Variants in KDM2B observed in about 807,000 individuals in gnomAD.
KDM2B encodes lysine-specific demethylase 2B.
KDM2B carries 26 observed loss-of-function variants against 150.0 expected under a neutral mutation model. The observed-to-expected ratio is 0.17, with a 90% CI of 0.13 to 0.24. The LOEUF (loss-of-function observed/expected upper bound fraction) is 0.24, where lower values mean the gene tolerates loss of function less well. KDM2B is among the 10% of genes least tolerant of loss of function. KDM2B has a pLI of 1.00. For missense variants in KDM2B, 1,265 were observed against 1,816.9 expected (o/e 0.70, Z 5.52); for synonymous variants, 734 against 729.5 (o/e 1.01, Z -0.10).
At chr12:121,581,290 A>C (rs1443685318), upstream of KDM2B, 1 of 179,858 alleles carries the variant, frequency 5.6e-6, no homozygotes, top group Non-Finnish European at 1.2e-5. Context: ...AGTTTATAGA[A>C]GACAAGTCGG....
chr12:121,423,369 T>G, the KDM2B span: 1 of 1,587,130 alleles, frequency 6.3e-7, no homozygotes, highest in African/African-American at 1.3e-5. The surrounding 1 kb of genome is among the most constrained non-coding windows in gnomAD (Gnocchi z 4.3). Flanking sequence ...AGGCCTTAGC[T>G]CTCTGTTGCC....
chr12:121,446,950 T>C (rs964448271), intron 13 of KDM2B, among the ~76,000 whole-genome samples: 1 of 152,236 alleles, frequency 6.6e-6, no homozygotes, highest in Non-Finnish European at 1.5e-5. Flanking sequence ...TACAACATCA[T>C]GCCTGAGCAA....
intron 9 of KDM2B, among the ~76,000 whole-genome samples, chr12:121,517,461 C>A (rs555756530): frequency 6.8e-6 from 1 of 147,764 alleles, no homozygotes; most frequent in East Asian, 2.0e-4. Context: ...AAGGCAAATT[C>A]TTTTTCTTTT....
chr12:121,448,524 C>A (rs1469242585), intron 13 of KDM2B, among the ~76,000 whole-genome samples: 2 of 151,974 alleles, frequency 1.3e-5, no homozygotes, highest in Non-Finnish European at 2.9e-5. Flanking sequence ...ACTTGATGCA[C>A]CCGGCTGTGA....
At chr12:121,510,369 G>A (rs868940844) in intron 10 of KDM2B, among the ~76,000 whole-genome samples, 4 of 151,994 alleles carry the variant, frequency 2.6e-5, no homozygotes, top group Non-Finnish European at 5.9e-5. Context: ...TCCGCCTCCC[G>A]GGTTCAAGTG....
chr12:121,490,711 C>T (rs782737286), intron 12 of KDM2B, among the ~76,000 whole-genome samples: 3 of 152,282 alleles, frequency 2.0e-5, no homozygotes, highest in Middle Eastern at 3.4e-3. Flanking sequence ...CTACACCACT[C>T]GTGGAAACAG....
chr12:121,471,980 G>A (rs993573580), intron 12 of KDM2B, among the ~76,000 whole-genome samples: 4 of 152,054 alleles, frequency 2.6e-5, no homozygotes, highest in Non-Finnish European at 5.9e-5. Flanking sequence ...AAAATTAGCC[G>A]GGCATGGTGA....
chr12:121,465,508 A>G (rs1417970320), intron 12 of KDM2B, among the ~76,000 whole-genome samples: 1 of 152,214 alleles, frequency 6.6e-6, no homozygotes, highest in Non-Finnish European at 1.5e-5. Context: ...TGCTGGGATT[A>G]CAGGTGTGAG....
rs1877672680 is a variant in KDM2B at position 121,453,385 on chromosome 12, C to T, written c.1735-41G>A. 6.8e-7 allele frequency: 1 copy of T among 1,465,660 alleles called. No individual in the cohort carries two copies. The allele number at this position is 1,465,660 out of a possible 1,614,324, so 90.8% of individuals were successfully genotyped here. A position where few individuals can be genotyped will look rare whatever the true frequency, so the allele number is the denominator to read the frequency against. On this transcript the variant is annotated intron_variant, in intron 12 of 22. Transcript: ENST00000377071. The surrounding 1 kb of genome is among the most constrained non-coding windows in gnomAD (Gnocchi z 6.4). ...CACGACTGGTCAGATGGGGAGACTG[C>T]AGGCACGGCCAGACCCCCGGAAAGG...
chr12:121,420,666 G>T, the KDM2B span: 2 of 1,614,178 alleles, frequency 1.2e-6, no homozygotes, highest in Non-Finnish European at 1.7e-6. Context: ...TGCGCCAGCT[G>T]AAGGAAATTC....
intron 4 of KDM2B, among the ~76,000 whole-genome samples, chr12:121,551,800 G>A (rs375297530): frequency 6.6e-4 from 100 of 152,132 alleles, no homozygotes; most frequent in African/African-American, 1.9e-3. Flanking sequence ...TGATCCGCCC[G>A]CCTCAGCCTC....
At chr12:121,410,584 T>G in the KDM2B span, among the ~76,000 whole-genome samples, 1 of 151,938 alleles carries the variant, frequency 6.6e-6, no homozygotes, top group Non-Finnish European at 1.5e-5. Flanking sequence ...AAAAAAATAC[T>G]TCAAATATAC....
In KDM2B at chr12:121,491,651, G is replaced by A. The variant is rs139867539; in HGVS notation, c.1734+2928C>T. On this transcript the variant is annotated intron_variant, in intron 12 of 22. Transcript: ENST00000377071. Reference sequence around the variant, plus strand: ...CTACTAAAAATACAAAAAATTTGCCGGGCGTGGTGGTACGCGCCTGTAATC... The same window carrying A: ...CTACTAAAAATACAAAAAATTTGCCAGGCGTGGTGGTACGCGCCTGTAATC... Among the ~76,000 whole-genome samples the A allele has an allele frequency of 8.6e-3, 1,313 of 151,960 alleles. 22 individuals are homozygous for A. The highest frequency in any genetic ancestry group is 0.03 in the African/African-American group (1,230 of 41,448).
At chr12:121,544,072 G>A (rs1375689477) in intron 6 of KDM2B, among the ~76,000 whole-genome samples, 1 of 135,784 alleles carries the variant, frequency 7.4e-6, no homozygotes, top group Admixed American at 8.2e-5. Flanking sequence ...CCACAATTGC[G>A]CCACTGCACT....
the KDM2B span, chr12:121,420,820 T>C: frequency 6.7e-7 from 1 of 1,500,048 alleles, no homozygotes; most frequent in African/African-American, 1.4e-5. Flanking sequence ...TATTTTTCCT[T>C]AGGCTTTTAA....
At chr12:121,494,409 C>G (rs1883686996) in intron 12 of KDM2B, 170 bp downstream of exon 12, 2 of 568,848 alleles carry the variant, frequency 3.5e-6, no homozygotes, top group Non-Finnish European at 6.2e-6. Context: ...TAAAGCAACC[C>G]CCTTTTAAAA....
Position 121,453,850 on chromosome 12 carries a change from A to G in KDM2B, c.1735-506T>C, listed in dbSNP as rs1251619249. 6.6e-6 allele frequency among the ~76,000 whole-genome samples: 1 copy of G among 152,148 alleles called. No homozygotes were observed. The highest frequency in any genetic ancestry group is 1.5e-5 in the Non-Finnish European group (1 of 68,010). On this transcript the variant is annotated intron_variant, in intron 12 of 22. Transcript: ENST00000377071. This position sits in a 1 kb window ranked among gnomAD's most constrained non-coding sequence, Gnocchi z 6.4. ...AGCCACCCGTTATGGCAGCCCTAGGAGAGGACGACAGAGGGCGCGTGCTTC... is the reference window on the plus strand; with the variant it reads ...AGCCACCCGTTATGGCAGCCCTAGGGGAGGACGACAGAGGGCGCGTGCTTC...
intron 6 of KDM2B, among the ~76,000 whole-genome samples, chr12:121,544,308 CAAAT>C (rs782558545): frequency 2.0e-5 from 3 of 151,520 alleles, no homozygotes; most frequent in African/African-American, 4.9e-5. Flanking sequence ...AAATAAAAAA[CAAAT>C]AAACAAAAAG....
chr12:121,475,634 C>CTG (rs1881278383), intron 12 of KDM2B, among the ~76,000 whole-genome samples: 1 of 151,736 alleles, frequency 6.6e-6, no homozygotes, highest in Non-Finnish European at 1.5e-5. Flanking sequence ...TGGCTCATGA[C>CTG]TGTAATCCTA....
Sources: gnomAD v4.1 joint callset for allele counts (sites outside exome capture counted in the v4.1 genomes callset) on GRCh38, gnomAD v4.1.1 for gene constraint, Gnocchi (gnomAD v3.1) non-coding constraint, MANE v1.5 for transcripts, NCBI Gene and HGNC (gene_info 2026-07-23, HGNC 2026-07-21) for gene names.